Variants in VPS13A observed in about 807,000 individuals in gnomAD.
VPS13A encodes the protein intermembrane lipid transfer protein VPS13A.
In VPS13A, 264 loss-of-function variants were observed where a neutral mutation model predicts 390.9. That is an observed-to-expected ratio of 0.68 (90% confidence interval 0.61 to 0.75). The LOEUF (loss-of-function observed/expected upper bound fraction) is 0.75. Ranked by LOEUF, VPS13A falls within the 30% of genes least tolerant of loss-of-function variation. The pLI is 0.00. For synonymous variants in VPS13A, 1,231 were observed against 1,227.1 expected (o/e 1.00, Z -0.07); for missense variants, 3,409 against 3,733.9 (o/e 0.91, Z 2.27).
chr9:77,249,018 C>T (rs1216357154), intron 20 of VPS13A, among the ~76,000 whole-genome samples: 1 of 152,198 alleles, frequency 6.6e-6, no homozygotes, highest in Non-Finnish European at 1.5e-5. Context: ...AGGTGTGAGC[C>T]ACCGCGCCTG....
intron 67 of VPS13A, among the ~76,000 whole-genome samples, chr9:77,374,530 A>G (rs1000756742): frequency 6.6e-6 from 1 of 152,102 alleles, no homozygotes; most frequent in Non-Finnish European, 1.5e-5. Flanking sequence ...TTATCATACT[A>G]CTCAGAATGG....
Position 77,210,812 on chromosome 9 carries a change from A to G in VPS13A, c.555+137A>G, listed in dbSNP as rs933806894. ...GCACAAAGGGTCTTCATTGGATTGG[A>G]ATCGAGGGTATGTAGATTCACATTT... is the stretch of plus-strand genomic sequence containing the variant. On this transcript the variant is annotated intron_variant, in intron 7 of 71. Coordinates refer to ENST00000360280, the MANE Select transcript of VPS13A (RefSeq NM_033305.3). The G allele has an allele frequency of 6.0e-6, 5 of 838,828 alleles. No homozygotes were observed. The African/African-American group carries it at 8.4e-5, about 14-fold the overall frequency. 52.0% of individuals were successfully genotyped at this position (838,828 alleles called of 1,614,324 possible).
At chr9:77,316,114 T>G in intron 38 of VPS13A, 60 bp from the exon 39 acceptor site, 1 of 924,516 alleles carries the variant, frequency 1.1e-6, no homozygotes, top group South Asian at 3.6e-5. Flanking sequence ...TATTTTCTTA[T>G]AAATAATAAA....
chr9:77,243,609 G>A (rs932754113), intron 19 of VPS13A, among the ~76,000 whole-genome samples: 2 of 152,036 alleles, frequency 1.3e-5, no homozygotes, highest in African/African-American at 4.8e-5. Flanking sequence ...TCTCTGATAG[G>A]ATCATAGTGA....
chr9:77,299,005 A>G (rs1393546110), intron 33 of VPS13A, among the ~76,000 whole-genome samples: 1 of 152,094 alleles, frequency 6.6e-6, no homozygotes, highest in East Asian at 1.9e-4. Flanking sequence ...AACACTATTT[A>G]TTAAATAGGG....
chr9:77,331,654 A>G (rs954568646), intron 45 of VPS13A, among the ~76,000 whole-genome samples: 1 of 151,946 alleles, frequency 6.6e-6, no homozygotes, highest in Non-Finnish European at 1.5e-5. Context: ...CACTTTTATC[A>G]TATAAATATT....
At chr9:77,229,593 A>G (rs1823709693) in intron 17 of VPS13A, among the ~76,000 whole-genome samples, 1 of 152,198 alleles carries the variant, frequency 6.6e-6, no homozygotes, top group African/African-American at 2.4e-5. Context: ...ATCCTGTTGT[A>G]GCATGAATTA....
chr9:77,306,401 A>AGAGAGAGAGTGTGTGTGT (rs550279922), intron 34 of VPS13A, among the ~76,000 whole-genome samples: 6 of 107,786 alleles, frequency 5.6e-5, no homozygotes, highest in African/African-American at 2.1e-4. Context: ...AGAGAGAGAG[A>AGAGAGAGAGTGTGTGTGT]GTGTGTGTGT....
intron 19 of VPS13A, among the ~76,000 whole-genome samples, chr9:77,238,727 C>T (rs1394860999): frequency 6.6e-6 from 1 of 152,090 alleles, no homozygotes; most frequent in African/African-American, 2.4e-5. Flanking sequence ...GAAAAAAGTT[C>T]TATCCTTTTT....
chr9:77,239,006 T>C (rs1369310877), intron 19 of VPS13A, among the ~76,000 whole-genome samples: 1 of 152,208 alleles, frequency 6.6e-6, no homozygotes, highest in Non-Finnish European at 1.5e-5. Context: ...TTCATATCTA[T>C]ACCTATTCAT....
rs1835296815 is a variant in VPS13A at position 77,419,947 on chromosome 9, A to C, written c.*3941A>C. 6.6e-6 allele frequency: 1 copy of C among 151,994 alleles called. No homozygotes were observed. Among genetic ancestry groups the C allele is most frequent in the Non-Finnish European group, 1.5e-5 (1 of 68,032 alleles). 9.4% of individuals were successfully genotyped at this position (151,994 alleles called of 1,614,324 possible). ...GCAAATATCAATGACTTTTTACTAAAAACAGTGGATTTCCTCATTTCTTTA... is the reference window on the plus strand; with the variant it reads ...GCAAATATCAATGACTTTTTACTAACAACAGTGGATTTCCTCATTTCTTTA... On this transcript the variant is annotated 3_prime_UTR_variant, in exon 72 of 72. Transcript: ENST00000360280.
chr9:77,387,069 C>T (rs974728231), intron 68 of VPS13A, among the ~76,000 whole-genome samples: 11 of 151,678 alleles, frequency 7.3e-5, no homozygotes, highest in African/African-American at 2.7e-4. Flanking sequence ...TCTTTTCAAA[C>T]CTCTTGAGGA....
Position 77,416,216 on chromosome 9 carries a change from C to T in VPS13A, c.*210C>T, listed in dbSNP as rs1214490938. On this transcript the variant is annotated 3_prime_UTR_variant, in exon 72 of 72. Transcript: ENST00000360280. ...ATGTGATTAAAATATTTTAATTCTT[C>T]AGCAATTACCCGGTTTTCTAAATTG... 5 of 512,202 alleles carry T rather than the reference C, an allele frequency of 9.8e-6. No homozygotes were observed. The highest frequency in any genetic ancestry group is 5.8e-5 in the African/African-American group (3 of 51,764). The allele number at this position is 512,202 out of a possible 1,614,324, so 31.7% of individuals were successfully genotyped here. A position where few individuals can be genotyped will look rare whatever the true frequency, so the allele number is the denominator to read the frequency against.
At position 77,357,719 on chromosome 9, in the gene VPS13A, A is replaced by T; in HGVS notation, c.7834A>T (p.Met2612Leu). ...PVRLTPTGHN[M>L]KILQPHVIAL... ...TCGCCTAACCCCTACTGGTCATAACATGAAAATTCTGCAGCCGCATGTAAT... is the reference window on the plus strand; with the variant it reads ...TCGCCTAACCCCTACTGGTCATAACTTGAAAATTCTGCAGCCGCATGTAAT... Residue 2612 changes from methionine (M) to leucine (L), a missense_variant, in exon 56 of 72, where the codon ATG becomes TTG. Coordinates refer to ENST00000360280, the MANE Select transcript of VPS13A (RefSeq NM_033305.3). 1.2e-6 allele frequency: 2 copies of T among 1,614,042 alleles called. No homozygotes were observed. The highest frequency in any genetic ancestry group is 1.1e-5 in the South Asian group (1 of 91,076).
intron 16 of VPS13A, among the ~76,000 whole-genome samples, 163 bp downstream of exon 16, chr9:77,227,648 C>T (rs527648272): frequency 6.6e-6 from 1 of 152,044 alleles, no homozygotes; most frequent in South Asian, 2.1e-4. Flanking sequence ...TCTCGAATAG[C>T]TGGAGCCACA....
chr9:77,393,828 G>A (rs535482573), intron 68 of VPS13A, among the ~76,000 whole-genome samples: 1 of 152,224 alleles, frequency 6.6e-6, no homozygotes, highest in African/African-American at 2.4e-5. Flanking sequence ...GCCTGCAATG[G>A]TGCAGTCTCG....
chr9:77,386,297 G>A (rs1431195891), intron 68 of VPS13A, among the ~76,000 whole-genome samples: 1 of 152,148 alleles, frequency 6.6e-6, no homozygotes, highest in Admixed American at 6.5e-5. Context: ...TATGCTTAAG[G>A]AAGGAAGAGT....
chr9:77,287,730 A>G lies in VPS13A; in HGVS notation c.3339+4080A>G, dbSNP rs189637037. Reference sequence around the variant, plus strand: ...TGAGCTGTGGATTTGAGCCCTGTTGAAAGAGCTTTCCAGGTGGAGGAAAGA... The same window carrying G: ...TGAGCTGTGGATTTGAGCCCTGTTGGAAGAGCTTTCCAGGTGGAGGAAAGA... On this transcript the variant is annotated intron_variant, in intron 31 of 71. Transcript: ENST00000360280. Among the ~76,000 whole-genome samples the G allele has an allele frequency of 4.4e-3, 664 of 152,308 alleles. 8 individuals carry two copies. Among genetic ancestry groups the G allele is most frequent in the African/African-American group, 0.015 (625 of 41,576 alleles).
rs189403032 is a variant in VPS13A, at chr9:77,330,059, C to A, written c.5992-1951C>A. Among the ~76,000 whole-genome samples the A allele has an allele frequency of 1.9e-3, 287 of 152,266 alleles. 1 individual carries two copies. The highest frequency in any genetic ancestry group is 6.4e-3 in the African/African-American group (265 of 41,550). On this transcript the variant is annotated intron_variant, in intron 45 of 71. Transcript: ENST00000360280. Reference sequence around the variant, plus strand: ...TTTGAGACACAGGGTCTTGCTCTATCGCCCAGGAGTGCAGTGGCATGATCA... The same window carrying A: ...TTTGAGACACAGGGTCTTGCTCTATAGCCCAGGAGTGCAGTGGCATGATCA...
Sources: allele counts gnomAD v4.1 joint callset (sites outside exome capture counted in the v4.1 genomes callset), GRCh38; gene constraint gnomAD v4.1.1; transcripts MANE v1.5; gene names NCBI Gene and HGNC (gene_info 2026-07-23, HGNC 2026-07-21).